The following MSI2 variants were observed in gnomAD, a reference collection of about 807,000 sequenced individuals.
The protein encoded by MSI2 is musashi RNA binding protein 2.
Under a neutral mutation model 45.6 loss-of-function variants are expected in MSI2, and 17 were observed. That is an observed-to-expected ratio of 0.37 (90% confidence interval 0.26 to 0.56). MSI2 has a LOEUF of 0.56. Among genes scored for constraint, MSI2 ranks in the 20% least tolerant of loss-of-function variants. The pLI is 0.77. For synonymous variants in MSI2, 156 were observed against 158.2 expected (o/e 0.99, Z 0.11); for missense variants, 293 against 444.2 (o/e 0.66, Z 3.06).
intron 6 of MSI2, among the ~76,000 whole-genome samples, chr17:57,464,681 G>C (rs993858393): frequency 2.6e-5 from 4 of 152,176 alleles, no homozygotes; most frequent in African/African-American, 9.7e-5. Flanking sequence ...CTCCCACGCT[G>C]CTGCCCCTTG....
Position 57,342,130 on chromosome 17 carries a change from G to A in MSI2, c.313-59249G>A, listed in dbSNP as rs539216832. ...CTCTCCTCTCATTAGGAATTGAATA[G>A]GATGGCCCCGTAATGAGAATGTGGG... On this transcript the variant is annotated intron_variant, in intron 5 of 13. Coordinates refer to ENST00000284073, the MANE Select transcript of MSI2 (RefSeq NM_138962.4). Among the ~76,000 whole-genome samples the A allele has an allele frequency of 2.6e-5, 4 of 152,334 alleles. No individual in the cohort carries two copies. The South Asian group carries it at 8.3e-4, about 32-fold the overall frequency.
chr17:57,697,245 TCA>T, the MSI2 span, among the ~76,000 whole-genome samples: 1 of 151,220 alleles, frequency 6.6e-6, no homozygotes. Context: ...CCCTGTGCCC[TCA>T]CAGTCTCACA....
chr17:57,285,757 T>A lies in MSI2; in HGVS notation c.312+23565T>A, dbSNP rs1199554701. Reference sequence around the variant, plus strand: ...CTGAGAATTTCTGTGTACATGGAACTCTATTTTCTTAGCAAGCATCATTAT... The same window carrying A: ...CTGAGAATTTCTGTGTACATGGAACACTATTTTCTTAGCAAGCATCATTAT... On this transcript the variant is annotated intron_variant, in intron 5 of 13. Coordinates refer to ENST00000284073, the MANE Select transcript of MSI2 (RefSeq NM_138962.4). 2.7e-6 allele frequency: 3 copies of A among 1,125,438 alleles called. No individual in the cohort carries two copies. In the South Asian group the frequency reaches 6.1e-5, roughly 23 times the overall value. The allele number at this position is 1,125,438 out of a possible 1,614,324, so 69.7% of individuals were successfully genotyped here.
intron 6 of MSI2, among the ~76,000 whole-genome samples, chr17:57,496,492 G>T (rs1378648879): frequency 6.6e-6 from 1 of 152,198 alleles, no homozygotes; most frequent in Non-Finnish European, 1.5e-5. Context: ...CCACCTTCCA[G>T]AGCCTAATTG....
chr17:57,468,689 G>A (rs1196435751), intron 6 of MSI2, among the ~76,000 whole-genome samples: 2 of 152,116 alleles, frequency 1.3e-5, no homozygotes, highest in Admixed American at 1.3e-4. Context: ...CACACTGCTT[G>A]CTGAGGTCTT....
chr17:57,456,225 C>CG (rs956795932), intron 6 of MSI2, among the ~76,000 whole-genome samples: 4 of 152,302 alleles, frequency 2.6e-5, no homozygotes, highest in Admixed American at 1.3e-4. Context: ...GGGGTGCACA[C>CG]GGGGAGACAG....
At position 57,611,958 on chromosome 17, in the gene MSI2, A is replaced by G. The variant is rs1907226946; in HGVS notation, c.538-4012A>G. Among the ~76,000 whole-genome samples, 2 of 96,204 alleles carry G rather than the reference A, an allele frequency of 2.1e-5. 1 individual carries two copies. Among genetic ancestry groups the G allele is most frequent in the South Asian group, 7.6e-4 (2 of 2,640 alleles). 63.1% of individuals were successfully genotyped at this position (96,204 alleles called of 152,430 possible). On this transcript the variant is annotated intron_variant, in intron 8 of 13. Transcript: ENST00000284073. The stretch of plus-strand genomic sequence containing the variant: ...TAAGTTTGGGGGCAGTTTGTTGCTC[A>G]GCAGTAGATACCTGGAACAGAGCAT...
chr17:57,337,459 C>T (rs949879968), intron 5 of MSI2, among the ~76,000 whole-genome samples: 14 of 152,148 alleles, frequency 9.2e-5, no homozygotes, highest in Admixed American at 2.0e-4. Context: ...TCCACTTTCT[C>T]GGCCTCTAGC....
chr17:57,479,936 T>C (rs1484017375), intron 6 of MSI2, among the ~76,000 whole-genome samples: 1 of 152,244 alleles, frequency 6.6e-6, no homozygotes, highest in Non-Finnish European at 1.5e-5. Flanking sequence ...TCAGAACAAC[T>C]GAAATGTGTT....
chr17:57,563,599 A>G (rs1271374100), intron 7 of MSI2, among the ~76,000 whole-genome samples: 2 of 152,090 alleles, frequency 1.3e-5, no homozygotes, highest in Non-Finnish European at 2.9e-5. Context: ...AGCACAATCC[A>G]TGTCAGTAAT....
At chr17:57,575,521 G>A (rs2088013348) in intron 7 of MSI2, among the ~76,000 whole-genome samples, 1 of 152,140 alleles carries the variant, frequency 6.6e-6, no homozygotes, top group Admixed American at 6.5e-5. Context: ...AGATGGCTTT[G>A]TTTGGCCAGG....
chr17:57,587,270 T>C (rs1458897484), intron 7 of MSI2, among the ~76,000 whole-genome samples: 1 of 151,486 alleles, frequency 6.6e-6, no homozygotes, highest in Non-Finnish European at 1.5e-5. Flanking sequence ...AACTAAAGCC[T>C]GATGAAACAC....
the MSI2 span, among the ~76,000 whole-genome samples, chr17:57,700,074 G>A: frequency 2.0e-5 from 3 of 152,242 alleles, no homozygotes; most frequent in Admixed American, 6.5e-5. Context: ...TCACTATGTC[G>A]GCAAACGTTA....
chr17:57,303,885 C>A (rs1431237556), intron 5 of MSI2, among the ~76,000 whole-genome samples: 1 of 152,196 alleles, frequency 6.6e-6, no homozygotes, highest in Non-Finnish European at 1.5e-5. Context: ...ACAGTACAGG[C>A]TCTTCCTGGG....
chr17:57,515,295 C>G (rs1370499636), intron 6 of MSI2, among the ~76,000 whole-genome samples: 1 of 152,134 alleles, frequency 6.6e-6, no homozygotes, highest in African/African-American at 2.4e-5. Context: ...CCTCCGCCTC[C>G]CGGGTTTAAG....
At chr17:57,561,292 C>T (rs778978016) in intron 7 of MSI2, among the ~76,000 whole-genome samples, 8 of 152,108 alleles carry the variant, frequency 5.3e-5, no homozygotes, top group Non-Finnish European at 7.4e-5. Flanking sequence ...TTTTTGCCCA[C>T]CTGCCTGGAA....
chr17:57,458,463 G>A (rs2085159397), intron 6 of MSI2, among the ~76,000 whole-genome samples: 1 of 152,136 alleles, frequency 6.6e-6, no homozygotes. Context: ...CAGAGATTTA[G>A]GTCACAGTGT....
intron 5 of MSI2, among the ~76,000 whole-genome samples, chr17:57,294,141 CA>C (rs1477624604): frequency 6.6e-6 from 1 of 152,126 alleles, no homozygotes; most frequent in Non-Finnish European, 1.5e-5. Flanking sequence ...TTATTTTTGA[CA>C]GAATGAATCT....
chr17:57,427,644 G>C (rs1319296385), intron 6 of MSI2, among the ~76,000 whole-genome samples: 1 of 152,018 alleles, frequency 6.6e-6, no homozygotes, highest in Non-Finnish European at 1.5e-5. Context: ...AGTAAATGTT[G>C]CCATGTCATT....
Sources: gnomAD v4.1 joint callset for allele counts (sites outside exome capture counted in the v4.1 genomes callset) on GRCh38, gnomAD v4.1.1 for gene constraint, MANE v1.5 for transcripts, NCBI Gene and HGNC (gene_info 2026-07-23, HGNC 2026-07-21) for gene names.